Variants in PLEKHA7 observed in about 807,000 individuals in gnomAD.
The protein encoded by PLEKHA7 is pleckstrin homology domain containing A7, also known as pleckstrin homology domain-containing family A member 7.
In PLEKHA7, 104 loss-of-function variants were observed where a neutral mutation model predicts 170.0. The ratio of observed to expected loss-of-function variants is 0.61; its 90% CI spans 0.52 to 0.72. The LOEUF (loss-of-function observed/expected upper bound fraction) is 0.72. Among genes scored for constraint, PLEKHA7 ranks in the 30% least tolerant of loss-of-function variants. PLEKHA7 has a pLI of 0.00. For synonymous variants in PLEKHA7, 648 were observed against 660.8 expected (o/e 0.98, Z 0.30); for missense variants, 1,615 against 1,671.7 (o/e 0.97, Z 0.59).
intron 4 of PLEKHA7, among the ~76,000 whole-genome samples, chr11:16,865,595 G>GCAC: frequency 1.3e-5 from 2 of 151,768 alleles, no homozygotes; most frequent in Non-Finnish European, 2.9e-5. Context: ...GTGATGGTGG[G>GCAC]CTGAGGCAGG....
chr11:16,984,024 C>T (rs1465029619), intron 3 of PLEKHA7, among the ~76,000 whole-genome samples: 2 of 152,048 alleles, frequency 1.3e-5, no homozygotes, highest in Non-Finnish European at 2.9e-5. Context: ...AGGCTGCAGC[C>T]TGGGCAACAG....
intron 23 of PLEKHA7, chr11:16,787,808 C>T (rs1849501736): frequency 6.6e-6 from 1 of 152,172 alleles, no homozygotes; most frequent in African/African-American, 2.4e-5. Flanking sequence ...AGTGTTACCC[C>T]ATATGACATT....
chr11:16,816,437 G>A (rs1269135085), intron 11 of PLEKHA7, among the ~76,000 whole-genome samples, 173 bp from the exon 12 acceptor site: 3 of 152,302 alleles, frequency 2.0e-5, no homozygotes, highest in Admixed American at 2.0e-4. Context: ...CTCTTGGAAA[G>A]TGAAAACTTA....
At chr11:16,919,219 GAAAGA>G (rs1440170487) in intron 3 of PLEKHA7, among the ~76,000 whole-genome samples, 1 of 151,912 alleles carries the variant, frequency 6.6e-6, no homozygotes, top group Non-Finnish European at 1.5e-5. Context: ...TGTCTCAAAA[GAAAGA>G]AAAGAAAAGA....
rs183949671 is a variant in PLEKHA7, at chr11:16,958,239, C to T, written c.221+55750G>A. 3.5e-3 allele frequency among the ~76,000 whole-genome samples: 539 copies of T among 152,090 alleles called. 10 individuals are homozygous for T. Among genetic ancestry groups the T allele is most frequent in the Non-Finnish European group, 5.4e-4 (37 of 67,992 alleles). Reference sequence around the variant, plus strand: ...GGCTAAGGTGGGAGGATCAATTGAGCCCGGAATGCTAAAGCTGCAGTGAGC... The same window carrying T: ...GGCTAAGGTGGGAGGATCAATTGAGTCCGGAATGCTAAAGCTGCAGTGAGC... On this transcript the variant is annotated intron_variant, in intron 3 of 26. Transcript: ENST00000531066.
chr11:16,943,771 G>A (rs1162281535), intron 3 of PLEKHA7, among the ~76,000 whole-genome samples: 4 of 152,110 alleles, frequency 2.6e-5, no homozygotes, highest in Admixed American at 6.5e-5. Context: ...AAGAACCTTC[G>A]TGACCAGGAG....
chr11:17,007,158 T>C (rs1293757636), intron 3 of PLEKHA7, among the ~76,000 whole-genome samples: 1 of 152,162 alleles, frequency 6.6e-6, no homozygotes, highest in Non-Finnish European at 1.5e-5. Flanking sequence ...TTGTGCTCTA[T>C]GGTGTCTTGG....
At chr11:16,964,825 C>T (rs1170800223) in intron 3 of PLEKHA7, among the ~76,000 whole-genome samples, 2 of 152,172 alleles carry the variant, frequency 1.3e-5, no homozygotes, top group Non-Finnish European at 2.9e-5. Context: ...TCCTGAGGTG[C>T]TCAAGATGAC....
intron 9 of PLEKHA7, among the ~76,000 whole-genome samples, chr11:16,827,829 T>TTA (rs373335826): frequency 8.1e-5 from 11 of 135,508 alleles, no homozygotes; most frequent in East Asian, 6.6e-4. Context: ...ACTCCATGGT[T>TTA]AAAAAAAAAA....
intron 25 of PLEKHA7, among the ~76,000 whole-genome samples, chr11:16,783,432 C>T (rs967145777): frequency 1.3e-5 from 2 of 152,190 alleles, no homozygotes; most frequent in African/African-American, 4.8e-5. Flanking sequence ...TCCACACTTG[C>T]TAGGGTCACT....
chr11:16,816,847 T>A lies in PLEKHA7; in HGVS notation c.1819A>T (p.Ile607Phe). The part of the protein sequence containing the change: ...KPPDQRRSVD[I>F]SLGDSPRRAR... ...CTCCTTGGAGAATCCCCCAGCGAGA[T>A]GTCCACACTCCTCCTCTGGTCCGGT... The change falls in exon 11 of 27, where the codon ATC becomes TTC. Residue 607 changes from isoleucine to phenylalanine, a missense_variant. Ile to Phe is a conservative substitution (Grantham distance 21). Transcript: ENST00000531066. 6.2e-7 allele frequency: 1 copy of A among 1,614,044 alleles called. No homozygotes were observed. Among genetic ancestry groups the A allele is most frequent in the Non-Finnish European group, 8.5e-7 (1 of 1,180,004 alleles).
intron 3 of PLEKHA7, among the ~76,000 whole-genome samples, chr11:16,885,061 C>T (rs114688845): frequency 0.016 from 2,365 of 152,298 alleles, 60 homozygotes; most frequent in African/African-American, 0.054. Context: ...AGATTTCTTG[C>T]TGGCCATGGT....
chr11:16,855,732 A>G, intron 5 of PLEKHA7, 71 bp downstream of exon 5: 1 of 1,119,880 alleles, frequency 8.9e-7, no homozygotes, highest in Non-Finnish European at 1.3e-6. Flanking sequence ...GATCAAATGG[A>G]CTTCTGGTTA....
rs1847797184 is a variant in PLEKHA7 at position 16,790,893 on chromosome 11, C to T, written c.2957G>A (p.Ser986Asn). Reference sequence around the variant, plus strand: ...GCTGAGGGTCGCCAGCTCAGGCTCACTGACATACGACCGCAGCTCCACCTG... The same window carrying T: ...GCTGAGGGTCGCCAGCTCAGGCTCATTGACATACGACCGCAGCTCCACCTG... ...DSRVELRSYVSEPELATLSGD... is the reference protein window; with the variant it reads ...DSRVELRSYVNEPELATLSGD... Residue 986 changes from serine to asparagine, a missense_variant, in exon 21 of 27, where the codon AGT (serine) becomes AAT (asparagine). By Grantham distance (46) the Ser-to-Asn change is conservative. Transcript: ENST00000531066. 5.6e-6 allele frequency: 9 copies of T among 1,613,102 alleles called. No individual in the cohort carries two copies. The highest frequency in any genetic ancestry group is 1.3e-5 in the African/African-American group (1 of 74,890).
At chr11:16,969,415 G>T (rs1862576059) in intron 3 of PLEKHA7, among the ~76,000 whole-genome samples, 1 of 152,096 alleles carries the variant, frequency 6.6e-6, no homozygotes, top group South Asian at 2.1e-4. Context: ...ATCTTAATAG[G>T]GAACCTATTT....
intron 17 of PLEKHA7, 76 bp from the exon 18 acceptor site, chr11:16,795,094 A>G (rs1848127747): frequency 2.8e-6 from 3 of 1,074,812 alleles, no homozygotes; most frequent in Non-Finnish European, 4.3e-6. Flanking sequence ...CTACCATTTC[A>G]GACAGAGCCC....
At chr11:16,810,713 C>T (rs903883228) in intron 13 of PLEKHA7, among the ~76,000 whole-genome samples, 1 of 152,158 alleles carries the variant, frequency 6.6e-6, no homozygotes, top group African/African-American at 2.4e-5. Context: ...TCTCTCTATC[C>T]CATCAAATAT....
At chr11:16,861,083 C>G (rs1853906784) in intron 4 of PLEKHA7, among the ~76,000 whole-genome samples, 1 of 152,208 alleles carries the variant, frequency 6.6e-6, no homozygotes, top group Admixed American at 6.5e-5. Context: ...CCAGAAAGCT[C>G]AAGGTGCCAA....
chr11:16,822,542 C>T (rs923728341), intron 10 of PLEKHA7, among the ~76,000 whole-genome samples: 4 of 150,848 alleles, frequency 2.7e-5, no homozygotes, highest in Non-Finnish European at 5.9e-5. Context: ...GAAGGCACCA[C>T]GCCCAGGTGG....
Sources: gnomAD v4.1 joint callset for allele counts (sites outside exome capture counted in the v4.1 genomes callset) on GRCh38, gnomAD v4.1.1 for gene constraint, MANE v1.5 for transcripts, NCBI Gene and HGNC (gene_info 2026-07-23, HGNC 2026-07-21) for gene names.